Variants in LPP observed in about 807,000 individuals in gnomAD.
LPP encodes the protein lipoma-preferred partner.
Under a neutral mutation model 60.4 loss-of-function variants are expected in LPP, and 38 were observed. That is an observed-to-expected ratio of 0.63 (90% confidence interval 0.49 to 0.83). LPP has a LOEUF of 0.83. LPP is among the 40% of genes least tolerant of loss of function. The pLI, the probability that LPP is intolerant of heterozygous loss-of-function variation, is 0.00. For synonymous variants in LPP, 328 were observed against 290.8 expected (o/e 1.13, Z -1.30); for missense variants, 902 against 783.6 (o/e 1.15, Z -1.80).
chr3:188,308,332 A>G (rs1044035705), intron 2 of LPP, among the ~76,000 whole-genome samples: 2 of 152,222 alleles, frequency 1.3e-5, no homozygotes, highest in African/African-American at 2.4e-5. Context: ...AAAACTGTCT[A>G]TAACTCTGCT....
At chr3:188,824,620 C>T (rs1339882026) in intron 9 of LPP, among the ~76,000 whole-genome samples, 1 of 152,116 alleles carries the variant, frequency 6.6e-6, no homozygotes, top group Non-Finnish European at 1.5e-5. Context: ...TCAAAGAACT[C>T]TAACTCTCCT....
At chr3:188,664,326 TTC>T (rs1855278930) in intron 7 of LPP, among the ~76,000 whole-genome samples, 1 of 152,238 alleles carries the variant, frequency 6.6e-6, no homozygotes, top group Non-Finnish European at 1.5e-5. Flanking sequence ...ACTGGTTCAT[TTC>T]GGCATGCCGC....
intron 4 of LPP, among the ~76,000 whole-genome samples, chr3:188,462,545 TA>T: frequency 2.0e-4 from 1 of 4,882 alleles, no homozygotes; most frequent in Non-Finnish European, 6.2e-4. Flanking sequence ...ATATGAGCTT[TA>T]TATATATATA....
intron 9 of LPP, among the ~76,000 whole-genome samples, chr3:188,838,347 T>C (rs1253477252): frequency 1.3e-5 from 2 of 152,158 alleles, no homozygotes; most frequent in Non-Finnish European, 2.9e-5. Flanking sequence ...GGGGGACTCA[T>C]ATGCACCTTT....
At chr3:188,316,729 G>A (rs1417411054) in intron 2 of LPP, among the ~76,000 whole-genome samples, 3 of 152,140 alleles carry the variant, frequency 2.0e-5, no homozygotes, top group Admixed American at 6.5e-5. Flanking sequence ...GCTTTACTTC[G>A]AAAACTCAAT....
chr3:188,804,899 A>G (rs1748611080), intron 9 of LPP, among the ~76,000 whole-genome samples: 2 of 151,814 alleles, frequency 1.3e-5, no homozygotes, highest in Non-Finnish European at 2.9e-5. Context: ...GGGAGGTTTA[A>G]TCATGAAAGT....
intron 3 of LPP, among the ~76,000 whole-genome samples, chr3:188,364,616 G>A (rs116795543): frequency 0.015 from 2,272 of 152,300 alleles, 23 homozygotes; most frequent in Non-Finnish European, 0.022. Context: ...AATAAAGGAA[G>A]ACTTTCTGGA....
At chr3:188,629,579 A>G (rs2151698867) in intron 7 of LPP, among the ~76,000 whole-genome samples, 1 of 152,268 alleles carries the variant, frequency 6.6e-6, no homozygotes, top group South Asian at 2.1e-4. Flanking sequence ...GATGAAACAA[A>G]TATATGGAAA....
At chr3:188,419,750 C>T (rs1387023122) in intron 4 of LPP, among the ~76,000 whole-genome samples, 9 of 152,078 alleles carry the variant, frequency 5.9e-5, no homozygotes, top group South Asian at 4.1e-4. Flanking sequence ...ATTAGCCGGG[C>T]GTGGTGGCAC....
At chr3:188,633,458 A>G (rs1848191466) in intron 7 of LPP, among the ~76,000 whole-genome samples, 1 of 152,232 alleles carries the variant, frequency 6.6e-6, no homozygotes, top group Admixed American at 6.5e-5. Context: ...CAGTATTAGC[A>G]CACCTCTCGA....
chr3:188,483,003 C>A (rs1265822456), intron 4 of LPP, among the ~76,000 whole-genome samples: 1 of 152,110 alleles, frequency 6.6e-6, no homozygotes, highest in Non-Finnish European at 1.5e-5. Flanking sequence ...AAAAGACATT[C>A]CAGAGATATT....
intron 1 of LPP, chr3:188,180,868 A>T (rs1340675200): frequency 6.7e-6 from 1 of 149,060 alleles, no homozygotes; most frequent in East Asian, 2.1e-4. Context: ...CATAATTCTA[A>T]TTTTTCATCA....
chr3:188,515,064 A>C (rs889159864), intron 5 of LPP, among the ~76,000 whole-genome samples: 1 of 152,208 alleles, frequency 6.6e-6, no homozygotes, highest in Non-Finnish European at 1.5e-5. Flanking sequence ...TATCAAGCGT[A>C]GCATTTATGT....
intron 2 of LPP, among the ~76,000 whole-genome samples, chr3:188,250,746 C>CTTTG (rs1326845336): frequency 1.8e-5 from 2 of 110,358 alleles, no homozygotes; most frequent in Non-Finnish European, 3.7e-5. Flanking sequence ...TTCTTTCTTT[C>CTTTG]TTTCTTTCTT....
At chr3:188,515,637 A>G (rs1418531254) in intron 5 of LPP, among the ~76,000 whole-genome samples, 1 of 152,160 alleles carries the variant, frequency 6.6e-6, no homozygotes, top group Non-Finnish European at 1.5e-5. Context: ...CCCCTTATGA[A>G]TGCTCTAGTG....
chr3:188,371,218 G>A (rs900116763), intron 3 of LPP, among the ~76,000 whole-genome samples: 3 of 152,074 alleles, frequency 2.0e-5, no homozygotes, highest in Non-Finnish European at 4.4e-5. Context: ...ATCATGAATA[G>A]CCTGTCCAAT....
At chr3:188,318,610 A>G (rs1003286751) in intron 2 of LPP, among the ~76,000 whole-genome samples, 1 of 152,038 alleles carries the variant, frequency 6.6e-6, no homozygotes, top group Admixed American at 6.6e-5. Context: ...ACCTACTTAC[A>G]TAAGTACCTA....
intron 2 of LPP, among the ~76,000 whole-genome samples, chr3:188,253,091 A>C (rs1027126887): frequency 3.7e-5 from 5 of 135,616 alleles, no homozygotes; most frequent in African/African-American, 1.4e-4. Context: ...TTTTTTTTTT[A>C]AATTGGGTTT....
rs1464424428 is a variant in LPP at position 188,274,265 on chromosome 3, G to A, written c.-67+48738G>A. Among the ~76,000 whole-genome samples the A allele has an allele frequency of 2.0e-5, 3 of 152,150 alleles. No individual in the cohort carries two copies. The East Asian group carries it at 5.8e-4, about 29-fold the overall frequency. ...ATGTCTGTATAATTGCTCAAATTGTGAGTCATGTAGGAACATGCTCTGTGT... is the reference window on the plus strand; with the variant it reads ...ATGTCTGTATAATTGCTCAAATTGTAAGTCATGTAGGAACATGCTCTGTGT... On this transcript the variant is annotated intron_variant, in intron 2 of 11. Coordinates refer to ENST00000617246, the MANE Select transcript of LPP (RefSeq NM_001375462.1).
Sources: gnomAD v4.1 joint callset for allele counts (sites outside exome capture counted in the v4.1 genomes callset) on GRCh38, gnomAD v4.1.1 for gene constraint, MANE v1.5 for transcripts, NCBI Gene and HGNC (gene_info 2026-07-23, HGNC 2026-07-21) for gene names.